The following SPAG16 variants were observed in gnomAD, a reference collection of about 807,000 sequenced individuals.
SPAG16 encodes the protein sperm associated antigen 16.
In SPAG16, 86 loss-of-function variants were observed where a neutral mutation model predicts 80.4. The ratio of observed to expected loss-of-function variants is 1.07; its 90% CI spans 0.90 to 1.28. SPAG16 has a LOEUF of 1.28. Ranked by LOEUF, SPAG16 falls within the 50% of genes most tolerant of loss-of-function variation. SPAG16 has a pLI of 0.00. For synonymous variants in SPAG16, 294 were observed against 265.9 expected, an observed-to-expected ratio of 1.11 and a Z score of -1.03; for missense variants, 870 against 765.3, an observed-to-expected ratio of 1.14 and a Z score of -1.61.
intron 9 of SPAG16, among the ~76,000 whole-genome samples, chr2:213,392,467 T>G (rs531743961): frequency 6.6e-6 from 1 of 152,338 alleles, no homozygotes; most frequent in South Asian, 2.1e-4. Context: ...AGAATTTAGT[T>G]TTACATTTTT....
rs74861497 is a variant in SPAG16 at position 213,770,265 on chromosome 2, C to T, written c.1071-92220C>T. 8.0e-3 allele frequency among the ~76,000 whole-genome samples: 1,215 copies of T among 151,636 alleles called. 24 individuals are homozygous for T. Among genetic ancestry groups the T allele is most frequent in the African/African-American group, 0.028 (1,157 of 41,360 alleles). On this transcript the variant is annotated intron_variant, in intron 10 of 15. Transcript: ENST00000331683. The stretch of plus-strand genomic sequence containing the variant: ...TTTTTTTCTTATTTTTTTGTTTTTA[C>T]GGATATGTCATTTTTATTGGATAAA...
chr2:213,351,623 T>G (rs2065331929), intron 7 of SPAG16, among the ~76,000 whole-genome samples: 1 of 152,168 alleles, frequency 6.6e-6, no homozygotes. Context: ...AACATTCTAT[T>G]ATTGTTTTCT....
chr2:213,814,302 C>T (rs966575816), intron 10 of SPAG16, among the ~76,000 whole-genome samples: 1 of 152,128 alleles, frequency 6.6e-6, no homozygotes, highest in Non-Finnish European at 1.5e-5. Flanking sequence ...GGCTGAGGCC[C>T]ACCTAATTAT....
intron 15 of SPAG16, among the ~76,000 whole-genome samples, chr2:214,269,321 A>T (rs904473877): frequency 2.0e-5 from 3 of 151,982 alleles, no homozygotes; most frequent in Admixed American, 6.6e-5. Flanking sequence ...ATCTAGCCTA[A>T]TGTGACCTCC....
intron 12 of SPAG16, among the ~76,000 whole-genome samples, chr2:213,945,435 G>A (rs1490424234): frequency 2.0e-5 from 3 of 151,792 alleles, no homozygotes; most frequent in East Asian, 3.9e-4. Flanking sequence ...GACCCAGTCC[G>A]AGTCTCAAAA....
At chr2:214,203,147 A>G (rs2058053490) in intron 15 of SPAG16, among the ~76,000 whole-genome samples, 1 of 152,232 alleles carries the variant, frequency 6.6e-6, no homozygotes, top group Non-Finnish European at 1.5e-5. Flanking sequence ...AGAGATTTAT[A>G]ATTGAAAATA....
At chr2:214,309,098 T>G (rs1265324987) in intron 15 of SPAG16, among the ~76,000 whole-genome samples, 1 of 152,172 alleles carries the variant, frequency 6.6e-6, no homozygotes, top group East Asian at 1.9e-4. Context: ...TTCATTCTTT[T>G]TTTCTCTAGT....
At chr2:214,389,013 A>G (rs889402513) in intron 15 of SPAG16, among the ~76,000 whole-genome samples, 1 of 152,214 alleles carries the variant, frequency 6.6e-6, no homozygotes, top group African/African-American at 2.4e-5. Flanking sequence ...GGTAAATAAA[A>G]GACGCCCACT....
intron 15 of SPAG16, among the ~76,000 whole-genome samples, chr2:214,406,544 T>C (rs2126155943): frequency 6.6e-6 from 1 of 152,236 alleles, no homozygotes; most frequent in South Asian, 2.1e-4. Flanking sequence ...CAAATTCAAT[T>C]GAAACTGTTA....
At chr2:213,811,021 T>A (rs1366966457) in intron 10 of SPAG16, among the ~76,000 whole-genome samples, 1 of 152,172 alleles carries the variant, frequency 6.6e-6, no homozygotes, top group Non-Finnish European at 1.5e-5. Flanking sequence ...GGTGTAGTAG[T>A]GATGAAGGGA....
chr2:213,906,680 G>A (rs2077448034), intron 11 of SPAG16, among the ~76,000 whole-genome samples: 1 of 152,104 alleles, frequency 6.6e-6, no homozygotes, highest in Admixed American at 6.5e-5. Flanking sequence ...TTAGAAAAAT[G>A]AAACAGCTTA....
At chr2:213,518,845 G>A (rs1276626144) in intron 10 of SPAG16, among the ~76,000 whole-genome samples, 2 of 152,190 alleles carry the variant, frequency 1.3e-5, no homozygotes, top group African/African-American at 4.8e-5. Flanking sequence ...TGGTGGACTG[G>A]ATAAAGCAAA....
chr2:214,369,628 C>T (rs1300473449), intron 15 of SPAG16, among the ~76,000 whole-genome samples: 1 of 151,974 alleles, frequency 6.6e-6, no homozygotes, highest in East Asian at 1.9e-4. Context: ...ACACCTGGTT[C>T]CTGATTCTCA....
At chr2:213,695,797 C>A (rs1309884052) in intron 10 of SPAG16, among the ~76,000 whole-genome samples, 2 of 152,170 alleles carry the variant, frequency 1.3e-5, no homozygotes, top group African/African-American at 2.4e-5. Context: ...TGCAGTTGAA[C>A]AATCATGGGT....
intron 10 of SPAG16, among the ~76,000 whole-genome samples, chr2:213,496,059 A>G (rs2125754873): frequency 6.6e-6 from 1 of 152,340 alleles, no homozygotes; most frequent in African/African-American, 2.4e-5. Flanking sequence ...TTTTACATAC[A>G]TAAAAACAAG....
chr2:213,511,518 A>G (rs1244703886), intron 10 of SPAG16, among the ~76,000 whole-genome samples: 4 of 152,104 alleles, frequency 2.6e-5, no homozygotes, highest in Admixed American at 2.6e-4. Context: ...ATTTTTCTAT[A>G]GCATAATTAT....
intron 15 of SPAG16, among the ~76,000 whole-genome samples, chr2:214,374,845 C>CT (rs1700035485): frequency 6.6e-6 from 1 of 152,200 alleles, no homozygotes. Flanking sequence ...ATAAGCACTC[C>CT]TTCCTGGGAG....
intron 10 of SPAG16, among the ~76,000 whole-genome samples, chr2:213,668,223 G>A (rs1045255829): frequency 1.3e-5 from 2 of 151,650 alleles, no homozygotes; most frequent in Non-Finnish European, 2.9e-5. Context: ...ACAGGCATGA[G>A]CTATCATGCC....
At chr2:214,332,786 A>G (rs1697013855) in intron 15 of SPAG16, among the ~76,000 whole-genome samples, 1 of 151,958 alleles carries the variant, frequency 6.6e-6, no homozygotes, top group Non-Finnish European at 1.5e-5. Flanking sequence ...CTCACATTTG[A>G]TTTTTCCCAT....
Sources: allele counts gnomAD v4.1 joint callset (sites outside exome capture counted in the v4.1 genomes callset), GRCh38; gene constraint gnomAD v4.1.1; transcripts MANE v1.5; gene names NCBI Gene and HGNC (gene_info 2026-07-23, HGNC 2026-07-21).